The following SPTLC2 variants were observed in gnomAD, a reference collection of about 807,000 sequenced individuals.
SPTLC2 encodes serine palmitoyltransferase 2.
A neutral mutation model predicts 62.0 loss-of-function variants in SPTLC2; 21 were observed. The observed-to-expected ratio is 0.34, with a 90% CI of 0.24 to 0.49. The LOEUF (loss-of-function observed/expected upper bound fraction) is 0.49. Among genes scored for constraint, SPTLC2 ranks in the 20% least tolerant of loss-of-function variants. SPTLC2 has a pLI of 0.99. For synonymous variants in SPTLC2, 261 were observed against 261.8 expected (o/e 1.00, Z 0.03); for missense variants, 511 against 713.0 (o/e 0.72, Z 3.23).
intron 6 of SPTLC2, among the ~76,000 whole-genome samples, chr14:77,560,479 G>C (rs1251790369): frequency 6.6e-6 from 1 of 152,072 alleles, no homozygotes; most frequent in Admixed American, 6.6e-5. Flanking sequence ...GCCGGGCGTG[G>C]TGGAACACAT....
At chr14:77,593,176 T>C (rs2079827865) in intron 2 of SPTLC2, among the ~76,000 whole-genome samples, 1 of 152,180 alleles carries the variant, frequency 6.6e-6, no homozygotes, top group Admixed American at 6.5e-5. Flanking sequence ...TTTAAATATC[T>C]GATCATGAAC....
intron 9 of SPTLC2, among the ~76,000 whole-genome samples, chr14:77,530,408 A>C (rs1217130539): frequency 2.6e-5 from 4 of 152,066 alleles, no homozygotes; most frequent in South Asian, 2.1e-4. Flanking sequence ...AGCTCACTAC[A>C]ACCTCCACCT....
At chr14:77,537,861 G>A (rs540016056) in intron 9 of SPTLC2, among the ~76,000 whole-genome samples, 5 of 152,234 alleles carry the variant, frequency 3.3e-5, no homozygotes, top group Middle Eastern at 6.8e-3. Flanking sequence ...GACAATAAAC[G>A]GCCACTGTTA....
chr14:77,616,460 G>A lies in SPTLC2; in HGVS notation c.120C>T (p.Ala40=). The A allele has an allele frequency of 6.7e-7, 1 of 1,484,860 alleles. No homozygotes were observed. Among genetic ancestry groups the A allele is most frequent in the South Asian group, 1.3e-5 (1 of 79,166 alleles). 92.0% of individuals were successfully genotyped at this position (1,484,860 alleles called of 1,614,324 possible). Residue 40 remains alanine (A), a synonymous_variant, in exon 1 of 12, where the codon GCC becomes GCT. Transcript: ENST00000216484. ...GGGCCCCTCGTACCTGGCCGGCGGC[G>A]GCTGCGGCTGCGGCTGCAGCGCTGC... ...VRSSAAAAAA[A]AAGQIHHVTQ... is the part of the protein sequence containing the mutation.
rs2079335166 is a variant in SPTLC2, at chr14:77,512,123, T to C, written c.*161A>G. ...AAGGATTAGAAGCAGTTTTTTACTATTTACAAAATGTCATTTAGAGTGGAG... is the reference window on the plus strand; with the variant it reads ...AAGGATTAGAAGCAGTTTTTTACTACTTACAAAATGTCATTTAGAGTGGAG... On this transcript the variant is annotated 3_prime_UTR_variant, in exon 12 of 12. Coordinates refer to ENST00000216484, the MANE Select transcript of SPTLC2 (RefSeq NM_004863.4). 3 of 926,126 alleles carry C rather than the reference T, an allele frequency of 3.2e-6. No individual in the cohort carries two copies. The highest frequency in any genetic ancestry group is 5.0e-6 in the Non-Finnish European group (3 of 605,680). 57.4% of individuals were successfully genotyped at this position (926,126 alleles called of 1,614,324 possible).
intron 2 of SPTLC2, among the ~76,000 whole-genome samples, chr14:77,582,884 T>TCA (rs2079759599): frequency 6.6e-6 from 1 of 152,090 alleles, no homozygotes; most frequent in Admixed American, 6.6e-5. Context: ...AGCTCTGATC[T>TCA]CAGTCAGTAG....
intron 11 of SPTLC2, among the ~76,000 whole-genome samples, chr14:77,516,709 C>T: frequency 6.6e-6 from 1 of 152,118 alleles, no homozygotes; most frequent in East Asian, 1.9e-4. Flanking sequence ...AATATGCTCA[C>T]AACACTGTGC....
chr14:77,552,381 C>T (rs2079560240), intron 8 of SPTLC2, among the ~76,000 whole-genome samples, 159 bp from the exon 9 acceptor site: 1 of 152,162 alleles, frequency 6.6e-6, no homozygotes, highest in Non-Finnish European at 1.5e-5. Context: ...TCGAAGCATA[C>T]CGCTGGCAAC....
At chr14:77,579,443 T>C (rs1317510722) in intron 2 of SPTLC2, among the ~76,000 whole-genome samples, 2 of 152,208 alleles carry the variant, frequency 1.3e-5, no homozygotes, top group African/African-American at 4.8e-5. Flanking sequence ...AGAGGCCACT[T>C]ATATTTAATT....
chr14:77,537,401 G>A (rs1415396311), intron 9 of SPTLC2, among the ~76,000 whole-genome samples: 3 of 151,930 alleles, frequency 2.0e-5, no homozygotes, highest in Admixed American at 2.0e-4. Flanking sequence ...TACTTATGCC[G>A]TTTATGTGTG....
chr14:77,608,714 G>GA (rs1185331854), intron 1 of SPTLC2, among the ~76,000 whole-genome samples: 1 of 151,916 alleles, frequency 6.6e-6, no homozygotes, highest in African/African-American at 2.4e-5. Context: ...GTAGGGAAGA[G>GA]AACTCTGTGA....
intron 11 of SPTLC2, 50 bp from the exon 12 acceptor site, chr14:77,512,453 G>A: frequency 6.2e-7 from 1 of 1,613,790 alleles, no homozygotes; most frequent in Non-Finnish European, 8.5e-7. Flanking sequence ...GTAGGATGCA[G>A]GCATGCCTGG....
At chr14:77,572,977 T>C (rs1321342174) in intron 4 of SPTLC2, among the ~76,000 whole-genome samples, 2 of 152,270 alleles carry the variant, frequency 1.3e-5, no homozygotes, top group African/African-American at 2.4e-5. Context: ...AATAAAAGGC[T>C]GTTTCACTTT....
At chr14:77,529,620 CTTT>C (rs71452856) in intron 9 of SPTLC2, among the ~76,000 whole-genome samples, 937 of 76,064 alleles carry the variant, frequency 0.012, 8 homozygotes, top group Middle Eastern at 0.03. Flanking sequence ...TTCTTTCTTT[CTTT>C]TTTTTTTTTT....
At chr14:77,562,918 T>C (rs922873171) in intron 5 of SPTLC2, among the ~76,000 whole-genome samples, 2 of 152,222 alleles carry the variant, frequency 1.3e-5, no homozygotes, top group African/African-American at 4.8e-5. Flanking sequence ...CTCTCACTAC[T>C]ACTCATATCC....
chr14:77,518,510 T>A (rs768629482), intron 10 of SPTLC2, among the ~76,000 whole-genome samples: 10 of 150,782 alleles, frequency 6.6e-5, no homozygotes, highest in Admixed American at 2.7e-4. Context: ...GGCATGAGAA[T>A]CTCTCGAAGC....
intron 5 of SPTLC2, 126 bp downstream of exon 5, chr14:77,570,258 A>T (rs1381208482): frequency 1.7e-6 from 2 of 1,184,446 alleles, no homozygotes; most frequent in East Asian, 2.4e-5. Flanking sequence ...AATTTGTGGT[A>T]GAAATATCTT....
chr14:77,551,687 T>C (rs539133473), intron 9 of SPTLC2, among the ~76,000 whole-genome samples: 2 of 152,192 alleles, frequency 1.3e-5, no homozygotes, highest in African/African-American at 2.4e-5. Context: ...TATATGAAAG[T>C]AGAAACTCTT....
intron 8 of SPTLC2, chr14:77,555,037 G>A: frequency 2.1e-6 from 1 of 474,302 alleles, no homozygotes; most frequent in South Asian, 2.0e-5. Flanking sequence ...ACCACTGTGT[G>A]TTCTTTCACA....
Sources: gnomAD v4.1 joint callset for allele counts (sites outside exome capture counted in the v4.1 genomes callset) on GRCh38, gnomAD v4.1.1 for gene constraint, MANE v1.5 for transcripts, NCBI Gene and HGNC (gene_info 2026-07-23, HGNC 2026-07-21) for gene names.